The following CLSTN2 variants were observed in gnomAD, a reference collection of about 807,000 sequenced individuals.
CLSTN2 encodes the protein calsyntenin-2.
CLSTN2 carries 48 observed loss-of-function variants against 101.2 expected under a neutral mutation model. The ratio of observed to expected loss-of-function variants is 0.47; its 90% CI spans 0.38 to 0.60. CLSTN2 has a LOEUF of 0.60. Among genes scored for constraint, CLSTN2 ranks in the 20% least tolerant of loss-of-function variants. The probability of loss-of-function intolerance (pLI) is 0.00; values close to 1 mark genes in which losing one functional copy is unlikely to be tolerated. For missense variants in CLSTN2, 1,160 were observed against 1,238.2 expected, an observed-to-expected ratio of 0.94 and a Z score of 0.95; for synonymous variants, 481 against 463.6, an observed-to-expected ratio of 1.04 and a Z score of -0.48.
In CLSTN2 at chr3:140,213,293, C is replaced by T. The variant is rs192641547; in HGVS notation, c.232+37220C>T. Among the ~76,000 whole-genome samples, 13 of 152,014 alleles carry T rather than the reference C, an allele frequency of 8.6e-5. No individual in the cohort carries two copies. The East Asian group carries it at 1.7e-3, about 20-fold the overall frequency. On this transcript the variant is annotated intron_variant, in intron 2 of 16. Coordinates refer to ENST00000458420, the MANE Select transcript of CLSTN2 (RefSeq NM_022131.3). Reference sequence around the variant, plus strand: ...TGTTTGCATGTTTGTATTCATGTACCCACATATTACCCAAAGAAAATATGT... The same window carrying T: ...TGTTTGCATGTTTGTATTCATGTACTCACATATTACCCAAAGAAAATATGT...
At chr3:140,264,837 T>C (rs891311498) in intron 2 of CLSTN2, among the ~76,000 whole-genome samples, 1 of 152,064 alleles carries the variant, frequency 6.6e-6, no homozygotes, top group African/African-American at 2.4e-5. Flanking sequence ...ATTAGGCCAG[T>C]GGGGTAGATC....
chr3:140,026,209 G>A (rs1015985885), intron 1 of CLSTN2, among the ~76,000 whole-genome samples: 2 of 152,224 alleles, frequency 1.3e-5, no homozygotes, highest in Non-Finnish European at 2.9e-5. Flanking sequence ...GACTATTAAA[G>A]TGTTTTCTGA....
intron 2 of CLSTN2, among the ~76,000 whole-genome samples, chr3:140,196,351 G>T (rs1453484989): frequency 1.3e-5 from 2 of 152,216 alleles, no homozygotes; most frequent in African/African-American, 4.8e-5. Context: ...AGGTGCAGAT[G>T]TAGGATTTGT....
chr3:140,317,477 C>T (rs1393292106), intron 2 of CLSTN2, among the ~76,000 whole-genome samples: 1 of 152,092 alleles, frequency 6.6e-6, no homozygotes, highest in Non-Finnish European at 1.5e-5. Flanking sequence ...GAGGAGTGTG[C>T]CTTCTGTAAA....
At chr3:139,980,463 C>T (rs1048568900) in intron 1 of CLSTN2, among the ~76,000 whole-genome samples, 1 of 152,046 alleles carries the variant, frequency 6.6e-6, no homozygotes, top group Admixed American at 6.6e-5. Context: ...AAAATGGTTC[C>T]ATAGAACTAA....
At chr3:140,026,594 C>T (rs2007426371) in intron 1 of CLSTN2, among the ~76,000 whole-genome samples, 1 of 152,198 alleles carries the variant, frequency 6.6e-6, no homozygotes, top group South Asian at 2.1e-4. Context: ...GAAGGAGGGA[C>T]TGGAGTCTAC....
At chr3:140,235,450 A>G (rs1278257100) in intron 2 of CLSTN2, among the ~76,000 whole-genome samples, 3 of 152,196 alleles carry the variant, frequency 2.0e-5, no homozygotes, top group Non-Finnish European at 4.4e-5. Context: ...GTTGGCAGAA[A>G]TTTAAGCACA....
intron 2 of CLSTN2, among the ~76,000 whole-genome samples, chr3:140,402,945 A>G (rs1333854784): frequency 6.6e-6 from 1 of 152,236 alleles, no homozygotes; most frequent in Non-Finnish European, 1.5e-5. Context: ...CAATAGGGAA[A>G]GAGGACATGT....
At chr3:140,303,758 A>G (rs1489426595) in intron 2 of CLSTN2, among the ~76,000 whole-genome samples, 1 of 151,910 alleles carries the variant, frequency 6.6e-6, no homozygotes, top group African/African-American at 2.4e-5. Flanking sequence ...GCTCTAGAGG[A>G]TGTAGGCAGT....
At chr3:140,298,173 G>T (rs2087021576) in intron 2 of CLSTN2, among the ~76,000 whole-genome samples, 1 of 152,156 alleles carries the variant, frequency 6.6e-6, no homozygotes, top group Admixed American at 6.6e-5. Context: ...ATTTAGACAG[G>T]CTTGCACACA....
chr3:139,982,715 C>T (rs935039013), intron 1 of CLSTN2, among the ~76,000 whole-genome samples: 2 of 152,082 alleles, frequency 1.3e-5, no homozygotes, highest in African/African-American at 4.8e-5. Context: ...CAAATCAGCC[C>T]TTGTTGCAGC....
intron 2 of CLSTN2, among the ~76,000 whole-genome samples, chr3:140,183,851 G>A (rs556394523): frequency 3.3e-5 from 5 of 152,276 alleles, no homozygotes; most frequent in African/African-American, 1.2e-4. Flanking sequence ...AGGAGAGACC[G>A]ATGTTAAGTC....
chr3:140,455,191 G>A (rs1266253531), intron 6 of CLSTN2, among the ~76,000 whole-genome samples: 1 of 152,218 alleles, frequency 6.6e-6, no homozygotes, highest in Non-Finnish European at 1.5e-5. Context: ...CTTACAGAGT[G>A]AGGCCTGTGT....
chr3:140,267,774 C>T (rs1380792666), intron 2 of CLSTN2, among the ~76,000 whole-genome samples: 3 of 152,222 alleles, frequency 2.0e-5, no homozygotes, highest in Middle Eastern at 3.4e-3. Flanking sequence ...TTTTTGCTAC[C>T]TCAACATTAC....
At chr3:140,472,108 C>T (rs1284203122) in intron 8 of CLSTN2, among the ~76,000 whole-genome samples, 1 of 152,126 alleles carries the variant, frequency 6.6e-6, no homozygotes, top group Non-Finnish European at 1.5e-5. Context: ...ATGAGGGGAG[C>T]TTCTCAGGTC....
chr3:140,100,244 G>A (rs971212694), intron 1 of CLSTN2, among the ~76,000 whole-genome samples: 1 of 148,966 alleles, frequency 6.7e-6, no homozygotes, highest in African/African-American at 2.5e-5. Flanking sequence ...ATCTATTGCT[G>A]TGAACTCCTT....
rs1022387195 is a variant in CLSTN2 at position 140,572,515 on chromosome 3, G to C, written c.*6262G>C. On this transcript the variant is annotated 3_prime_UTR_variant, in exon 17 of 17. Coordinates refer to ENST00000458420, the MANE Select transcript of CLSTN2 (RefSeq NM_022131.3). ...AAAGGCACAAGCCAGACTGATGCAAGGGAGCCCTCCTGAGGCCCAACATCA... is the reference window on the plus strand; with the variant it reads ...AAAGGCACAAGCCAGACTGATGCAACGGAGCCCTCCTGAGGCCCAACATCA... 2 of 152,266 alleles carry C rather than the reference G, an allele frequency of 1.3e-5. No individual in the cohort carries two copies. The highest frequency in any genetic ancestry group is 1.3e-4 in the Admixed American group (2 of 15,288). 9.4% of individuals were successfully genotyped at this position (152,266 alleles called of 1,614,324 possible).
chr3:140,333,168 T>C (rs572846831), intron 2 of CLSTN2, among the ~76,000 whole-genome samples: 51 of 152,340 alleles, frequency 3.3e-4, no homozygotes, highest in African/African-American at 1.2e-3. Context: ...CCTCTCTTTC[T>C]GTAAGTGCAC....
intron 1 of CLSTN2, among the ~76,000 whole-genome samples, chr3:140,127,582 T>C (rs568519046): frequency 2.6e-5 from 4 of 152,302 alleles, no homozygotes; most frequent in Non-Finnish European, 5.9e-5. Context: ...AAAGGTGTTA[T>C]GGAAGTTGGG....
Sources: allele counts gnomAD v4.1 joint callset (sites outside exome capture counted in the v4.1 genomes callset), GRCh38; gene constraint gnomAD v4.1.1; transcripts MANE v1.5; gene names NCBI Gene and HGNC (gene_info 2026-07-23, HGNC 2026-07-21).